Variants in EIF4G3 observed in about 807,000 individuals in gnomAD.
The protein encoded by EIF4G3 is eukaryotic translation initiation factor 4 gamma 3.
EIF4G3 carries 34 observed loss-of-function variants against 186.4 expected under a neutral mutation model. The ratio of observed to expected loss-of-function variants is 0.18; its 90% CI spans 0.14 to 0.24. The LOEUF (loss-of-function observed/expected upper bound fraction) is 0.24, where lower values mean the gene tolerates loss of function less well. Among genes scored for constraint, EIF4G3 ranks in the 10% least tolerant of loss-of-function variants. The pLI, the probability that EIF4G3 is intolerant of heterozygous loss-of-function variation, is 1.00. For missense variants in EIF4G3, 1,536 were observed against 1,948.5 expected, an observed-to-expected ratio of 0.79 and a Z score of 3.99; for synonymous variants, 673 against 679.5, an observed-to-expected ratio of 0.99 and a Z score of 0.15.
chr1:20,834,638 GAC>G (rs1284062151), intron 30 of EIF4G3, among the ~76,000 whole-genome samples: 1 of 152,078 alleles, frequency 6.6e-6, no homozygotes, highest in East Asian at 1.9e-4. Flanking sequence ...TATAAAAAGA[GAC>G]AAAGGTCATT....
At chr1:21,140,255 T>C (rs1335527417) in intron 2 of EIF4G3, among the ~76,000 whole-genome samples, 1 of 152,148 alleles carries the variant, frequency 6.6e-6, no homozygotes, top group East Asian at 1.9e-4. Flanking sequence ...AAAAACAGAA[T>C]AGGAACAATA....
At position 20,961,276 on chromosome 1, in the gene EIF4G3, G is replaced by A. The variant is rs181093784; in HGVS notation, c.714+8198C>T. ...TGCATGCCTGTAATCCCAGCTACTC[G>A]GGAGGCTGAGGCAGGAGAATCGCTT... On this transcript the variant is annotated intron_variant, in intron 12 of 36. Transcript: ENST00000602326. Among the ~76,000 whole-genome samples the A allele has an allele frequency of 4.6e-5, 7 of 152,108 alleles. No homozygotes were observed. The East Asian group carries it at 5.8e-4, about 13-fold the overall frequency.
chr1:21,038,753 G>A (rs2093386072), intron 4 of EIF4G3, among the ~76,000 whole-genome samples: 1 of 152,092 alleles, frequency 6.6e-6, no homozygotes, highest in Non-Finnish European at 1.5e-5. Context: ...CCCAGTTCTT[G>A]GGAGTGTCTA....
chr1:20,948,173 T>G (rs910134221), intron 13 of EIF4G3, among the ~76,000 whole-genome samples: 1 of 152,332 alleles, frequency 6.6e-6, no homozygotes, highest in African/African-American at 2.4e-5. Flanking sequence ...GAAAGTGCAA[T>G]GAAGTTTTGA....
intron 2 of EIF4G3, among the ~76,000 whole-genome samples, chr1:21,173,754 T>C (rs1186586005): frequency 1.3e-5 from 2 of 152,200 alleles, no homozygotes; most frequent in Non-Finnish European, 2.9e-5. Flanking sequence ...CCCACATACT[T>C]TGAGGGTCTG....
intron 2 of EIF4G3, among the ~76,000 whole-genome samples, chr1:21,101,351 T>C (rs1435105180): frequency 1.3e-5 from 2 of 151,630 alleles, no homozygotes; most frequent in Non-Finnish European, 2.9e-5. Flanking sequence ...GCAGATCACT[T>C]GAGGTCAGGA....
At chr1:21,102,771 G>A in intron 2 of EIF4G3, among the ~76,000 whole-genome samples, 1 of 152,110 alleles carries the variant, frequency 6.6e-6, no homozygotes, top group East Asian at 1.9e-4. Context: ...CAATAGTCCA[G>A]TGAAATGTTA....
intron 5 of EIF4G3, among the ~76,000 whole-genome samples, chr1:21,001,946 TAC>T (rs1347908026): frequency 6.6e-6 from 1 of 152,128 alleles, no homozygotes; most frequent in African/African-American, 2.4e-5. Context: ...TTCTGAAGAA[TAC>T]ACAGAGCTGA....
chr1:21,131,167 G>A (rs1461200946), intron 2 of EIF4G3, among the ~76,000 whole-genome samples: 3 of 150,704 alleles, frequency 2.0e-5, no homozygotes, highest in Non-Finnish European at 4.4e-5. Context: ...TTGAACCCAG[G>A]AGATGGAGAT....
chr1:21,068,860 C>G (rs146332772), intron 3 of EIF4G3, among the ~76,000 whole-genome samples: 1 of 152,282 alleles, frequency 6.6e-6, no homozygotes, highest in African/African-American at 2.4e-5. Flanking sequence ...GATTTTGGAA[C>G]ACCTGCAAAC....
intron 4 of EIF4G3, among the ~76,000 whole-genome samples, chr1:21,024,981 T>TG (rs779435705): frequency 5.3e-5 from 8 of 151,828 alleles, no homozygotes; most frequent in African/African-American, 1.5e-4. Flanking sequence ...TAATTCTTCC[T>TG]GGGAGAAGAG....
chr1:21,025,653 T>TA (rs1285852963), intron 4 of EIF4G3, among the ~76,000 whole-genome samples: 1 of 152,214 alleles, frequency 6.6e-6, no homozygotes, highest in Non-Finnish European at 1.5e-5. Flanking sequence ...CATACTGGCC[T>TA]TATTTTATTC....
At chr1:20,935,623 CATA>C (rs2095494703) in intron 14 of EIF4G3, among the ~76,000 whole-genome samples, 1 of 152,096 alleles carries the variant, frequency 6.6e-6, no homozygotes, top group Non-Finnish European at 1.5e-5. Flanking sequence ...GATAAAAGCA[CATA>C]ATGTGTAATG....
chr1:20,941,350 C>T (rs1182575548), intron 14 of EIF4G3, 141 bp downstream of exon 14: 1 of 1,585,778 alleles, frequency 6.3e-7, no homozygotes, highest in Admixed American at 1.8e-5. Flanking sequence ...CACAAACACA[C>T]CACTGAAGAA....
At chr1:20,962,833 T>C (rs1272264638) in intron 12 of EIF4G3, among the ~76,000 whole-genome samples, 2 of 151,998 alleles carry the variant, frequency 1.3e-5, no homozygotes, top group Non-Finnish European at 2.9e-5. Context: ...GAGGTGGCTA[T>C]AAAATTACAT....
intron 4 of EIF4G3, among the ~76,000 whole-genome samples, chr1:21,010,419 C>CAAAAAAAAAAAAAAAAAAAAAA (rs11318361): frequency 2.0e-5 from 2 of 101,126 alleles, no homozygotes; most frequent in African/African-American, 4.0e-5. Flanking sequence ...GACTCTGTCT[C>CAAAAAAAAAAAAAAAAAAAAAA]AAAAAAAAAA....
intron 12 of EIF4G3, among the ~76,000 whole-genome samples, chr1:20,963,303 CA>C (rs2073849032): frequency 6.6e-6 from 1 of 151,748 alleles, no homozygotes; most frequent in Non-Finnish European, 1.5e-5. Flanking sequence ...TCACAATGTC[CA>C]AAAAATTTCC....
chr1:20,949,978 G>A lies in EIF4G3; in HGVS notation c.823+25C>T, dbSNP rs779152405. ...AATAAAAAAGAGACTAAAGATAAGA[G>A]GGAGGAAAACAGTCATACACAAACC... On this transcript the variant is annotated intron_variant, in intron 13 of 36. Transcript: ENST00000602326. 1.0e-5 allele frequency: 16 copies of A among 1,573,658 alleles called. 1 individual carries two copies. The highest frequency in any genetic ancestry group is 3.5e-6 in the Non-Finnish European group (4 of 1,144,436).
At chr1:21,080,460 G>A (rs1306840737) in intron 3 of EIF4G3, among the ~76,000 whole-genome samples, 1 of 151,144 alleles carries the variant, frequency 6.6e-6, no homozygotes, top group Non-Finnish European at 1.5e-5. Context: ...AAAAAAAAAA[G>A]AGCTATTTAT....
Sources: gnomAD v4.1 joint callset for allele counts (sites outside exome capture counted in the v4.1 genomes callset) on GRCh38, gnomAD v4.1.1 for gene constraint, MANE v1.5 for transcripts, NCBI Gene and HGNC (gene_info 2026-07-23, HGNC 2026-07-21) for gene names.